The following COBLL1 variants were observed in gnomAD, a reference collection of about 807,000 sequenced individuals.
COBLL1 encodes cordon-bleu WH2 repeat protein like 1.
A neutral mutation model predicts 94.8 loss-of-function variants in COBLL1; 50 were observed. The observed-to-expected ratio is 0.53, with a 90% CI of 0.42 to 0.67. The LOEUF (loss-of-function observed/expected upper bound fraction) is 0.67, where lower values mean the gene tolerates loss of function less well. Among genes scored for constraint, COBLL1 ranks in the 30% least tolerant of loss-of-function variants. The probability of loss-of-function intolerance (pLI) is 0.00; values close to 1 mark genes in which losing one functional copy is unlikely to be tolerated. For missense variants in COBLL1, 1,362 were observed against 1,348.7 expected (o/e 1.01, Z -0.15); for synonymous variants, 448 against 473.8 (o/e 0.95, Z 0.71).
At chr2:164,810,464 ATGT>A (rs1406900391) in intron 2 of COBLL1, among the ~76,000 whole-genome samples, 1 of 151,642 alleles carries the variant, frequency 6.6e-6, no homozygotes. Flanking sequence ...AGATATTAAA[ATGT>A]TGATTGTTAT....
At chr2:164,696,738 C>T (rs1373411675) in intron 11 of COBLL1, 1 of 152,222 alleles carries the variant, frequency 6.6e-6, no homozygotes, top group African/African-American at 2.4e-5. Context: ...TGGCAGGAGG[C>T]ATGTGGAAGG....
At chr2:164,795,788 GT>G (rs1432636308) in intron 2 of COBLL1, among the ~76,000 whole-genome samples, 2 of 152,090 alleles carry the variant, frequency 1.3e-5, no homozygotes. Context: ...TAAAAACTGA[GT>G]TTTTTCAAAG....
At position 164,750,154 on chromosome 2, in the gene COBLL1, T is replaced by C. The variant is rs150785043; in HGVS notation, c.42-6279A>G. On this transcript the variant is annotated intron_variant, in intron 2 of 13. Coordinates refer to ENST00000652658, the MANE Select transcript of COBLL1 (RefSeq NM_001365672.2). ...GGCCGTCAAATTTACATCTCCAACCTGACTTGTTTATTGAGCTCTGACTTT... is the reference window on the plus strand; with the variant it reads ...GGCCGTCAAATTTACATCTCCAACCCGACTTGTTTATTGAGCTCTGACTTT... 6.0e-3 allele frequency among the ~76,000 whole-genome samples: 910 copies of C among 152,326 alleles called. 13 individuals are homozygous for C. Among genetic ancestry groups the C allele is most frequent in the African/African-American group, 0.021 (870 of 41,574 alleles).
At position 164,837,935 on chromosome 2, in the gene COBLL1, C is replaced by G. The variant is rs553832642; in HGVS notation, c.41+3221G>C. On this transcript the variant is annotated intron_variant, in intron 2 of 13. Coordinates refer to ENST00000652658, the MANE Select transcript of COBLL1 (RefSeq NM_001365672.2). ...AGTGGCTTGTGACTGTAGTCTCGGCCATGCAGGAGGCTGAGGTGGGAGGAT... is the reference window on the plus strand; with the variant it reads ...AGTGGCTTGTGACTGTAGTCTCGGCGATGCAGGAGGCTGAGGTGGGAGGAT... 3.9e-5 allele frequency among the ~76,000 whole-genome samples: 6 copies of G among 152,154 alleles called. No individual in the cohort carries two copies. In the East Asian group the frequency reaches 1.2e-3, roughly 29 times the overall value.
intron 2 of COBLL1, among the ~76,000 whole-genome samples, chr2:164,758,864 T>A (rs977398371): frequency 7.2e-5 from 11 of 152,186 alleles, no homozygotes; most frequent in Middle Eastern, 3.4e-3. Context: ...GTGGATTTTT[T>A]AAAATTTTAC....
chr2:164,663,820 G>A (rs1691107140), intron 2 of COBLL1, among the ~76,000 whole-genome samples: 1 of 152,072 alleles, frequency 6.6e-6, no homozygotes, highest in Non-Finnish European at 1.5e-5. Flanking sequence ...AGAAAGCAAG[G>A]ACTAAAAAAC....
At chr2:164,702,035 CA>C (rs1416392028) in intron 9 of COBLL1, among the ~76,000 whole-genome samples, 1 of 151,752 alleles carries the variant, frequency 6.6e-6, no homozygotes, top group African/African-American at 2.4e-5. Context: ...TCTAAGTATA[CA>C]GACAGAAAAG....
intron 2 of COBLL1, among the ~76,000 whole-genome samples, chr2:164,831,808 A>T (rs1046412566): frequency 6.6e-6 from 1 of 152,214 alleles, no homozygotes; most frequent in African/African-American, 2.4e-5. Context: ...ACTATCAGGC[A>T]TAAAAAAAAG....
intron 12 of COBLL1, among the ~76,000 whole-genome samples, chr2:164,693,181 T>G (rs1036037667): frequency 6.6e-6 from 1 of 152,140 alleles, no homozygotes; most frequent in Non-Finnish European, 1.5e-5. Context: ...AAACCAAGCT[T>G]CCATTGTTTA....
intron 1 of COBLL1, among the ~76,000 whole-genome samples, chr2:164,672,500 C>T (rs952126102): frequency 2.0e-5 from 3 of 151,674 alleles, no homozygotes; most frequent in African/African-American, 7.3e-5. Context: ...AGATCGAGAC[C>T]ATCCTGGCTA....
At chr2:164,663,765 A>G (rs182555912) in intron 2 of COBLL1, among the ~76,000 whole-genome samples, 1 of 152,284 alleles carries the variant, frequency 6.6e-6, no homozygotes, top group Admixed American at 6.5e-5. Flanking sequence ...ACATAGACAT[A>G]AGGATGGGAA....
chr2:164,793,002 T>G lies in COBLL1; in HGVS notation c.41+48154A>C, dbSNP rs190866434. On this transcript the variant is annotated intron_variant, in intron 2 of 13. Coordinates refer to ENST00000652658, the MANE Select transcript of COBLL1 (RefSeq NM_001365672.2). ...CCCCAAAACTCCATTCAACTCCCAATGAAGGATCACCACCCAGTCTGAGAA... is the reference window on the plus strand; with the variant it reads ...CCCCAAAACTCCATTCAACTCCCAAGGAAGGATCACCACCCAGTCTGAGAA... 1.1e-4 allele frequency among the ~76,000 whole-genome samples: 17 copies of G among 152,244 alleles called. No individual in the cohort carries two copies. In the East Asian group the frequency reaches 3.1e-3, roughly 28 times the overall value.
At chr2:164,778,160 T>C (rs560155006) in intron 2 of COBLL1, among the ~76,000 whole-genome samples, 2 of 152,138 alleles carry the variant, frequency 1.3e-5, no homozygotes, top group Non-Finnish European at 2.9e-5. Context: ...CAGGGGAAAC[T>C]CACTCAACAT....
At chr2:164,696,010 G>A (rs1361534596) in intron 11 of COBLL1, 174 bp from the exon 12 acceptor site, 4 of 548,564 alleles carry the variant, frequency 7.3e-6, no homozygotes, top group Non-Finnish European at 1.2e-5. Context: ...ACGTGCTTTG[G>A]ATTCATACAG....
chr2:164,806,880 T>C (rs1027185090), intron 2 of COBLL1, among the ~76,000 whole-genome samples: 3 of 152,054 alleles, frequency 2.0e-5, no homozygotes, highest in African/African-American at 7.2e-5. Context: ...TTCTATTTTT[T>C]TGTAGAAACA....
intron 1 of COBLL1, among the ~76,000 whole-genome samples, chr2:164,671,936 T>C (rs930621824): frequency 3.9e-5 from 6 of 152,170 alleles, no homozygotes; most frequent in Non-Finnish European, 8.8e-5. Flanking sequence ...TTTTCTGCAT[T>C]GCAGGGGAAA....
intron 2 of COBLL1, among the ~76,000 whole-genome samples, chr2:164,817,313 T>C (rs1684806446): frequency 6.7e-6 from 1 of 148,538 alleles, no homozygotes; most frequent in Non-Finnish European, 1.5e-5. Flanking sequence ...ATGAAAGTTT[T>C]CCGAACTTCT....
chr2:164,766,328 G>A (rs1363857766), intron 2 of COBLL1, among the ~76,000 whole-genome samples: 5 of 152,158 alleles, frequency 3.3e-5, no homozygotes, highest in African/African-American at 1.2e-4. Flanking sequence ...CCAATCTCAT[G>A]TTGAATTTGT....
At chr2:164,697,899 C>G (rs2105437846) in intron 11 of COBLL1, 1 of 151,952 alleles carries the variant, frequency 6.6e-6, no homozygotes, top group East Asian at 1.9e-4. Flanking sequence ...ATCTTTTATA[C>G]TATAGTGACC....
Sources: gnomAD v4.1 joint callset for allele counts (sites outside exome capture counted in the v4.1 genomes callset) on GRCh38, gnomAD v4.1.1 for gene constraint, MANE v1.5 for transcripts, NCBI Gene and HGNC (gene_info 2026-07-23, HGNC 2026-07-21) for gene names.